The following B3GALT1 variants were observed in gnomAD, a reference collection of about 807,000 sequenced individuals.
B3GALT1 encodes UDP-Gal:betaGlcNAc beta 1,3-galactosyltransferase, polypeptide 1.
Under a neutral mutation model 23.2 loss-of-function variants are expected in B3GALT1, and 10 were observed. That is an observed-to-expected ratio of 0.43 (90% confidence interval 0.27 to 0.73). The LOEUF is 0.73. B3GALT1 is among the 30% of genes least tolerant of loss of function. The probability of loss-of-function intolerance (pLI) is 0.21; values close to 1 mark genes in which losing one functional copy is unlikely to be tolerated. For synonymous variants in B3GALT1, 156 were observed against 141.5 expected, an observed-to-expected ratio of 1.10 and a Z score of -0.73; for missense variants, 299 against 405.4, an observed-to-expected ratio of 0.74 and a Z score of 2.25.
intron 4 of B3GALT1, among the ~76,000 whole-genome samples, 132 bp downstream of exon 4, chr2:167,818,925 G>A (rs1689051745): frequency 6.6e-6 from 1 of 152,002 alleles, no homozygotes; most frequent in Admixed American, 6.6e-5. Flanking sequence ...AAAAGTCTAG[G>A]TTTTTTTCTT....
At chr2:167,540,488 A>G (rs527350588) in intron 2 of B3GALT1, among the ~76,000 whole-genome samples, 5 of 152,342 alleles carry the variant, frequency 3.3e-5, no homozygotes, top group African/African-American at 1.2e-4. Context: ...ACTCTTCCTG[A>G]TAGTAAACCT....
chr2:167,708,072 G>T (rs548477492), intron 3 of B3GALT1, among the ~76,000 whole-genome samples: 7 of 152,202 alleles, frequency 4.6e-5, no homozygotes, highest in Non-Finnish European at 8.8e-5. Flanking sequence ...TCCTAAATTT[G>T]TTAAGTTTAT....
chr2:167,331,025 G>A (rs1696965289), intron 1 of B3GALT1, among the ~76,000 whole-genome samples: 1 of 151,988 alleles, frequency 6.6e-6, no homozygotes, highest in Admixed American at 6.6e-5. Context: ...TGTATCTGTG[G>A]TGTTGAGTGT....
At chr2:167,519,448 A>G (rs538325168) in intron 2 of B3GALT1, among the ~76,000 whole-genome samples, 27 of 152,290 alleles carry the variant, frequency 1.8e-4, no homozygotes, top group African/African-American at 6.5e-4. Flanking sequence ...TGCTTTGTAT[A>G]TTGCAAATCT....
At chr2:167,343,947 A>G (rs1295186061) in intron 1 of B3GALT1, among the ~76,000 whole-genome samples, 1 of 152,194 alleles carries the variant, frequency 6.6e-6, no homozygotes, top group African/African-American at 2.4e-5. Flanking sequence ...CTCACATAGC[A>G]TTGGCTAAAG....
At chr2:167,314,937 G>T (rs889689541) in intron 1 of B3GALT1, among the ~76,000 whole-genome samples, 1 of 152,032 alleles carries the variant, frequency 6.6e-6, no homozygotes, top group South Asian at 2.1e-4. Context: ...TCTAATTAGA[G>T]AGCTGTTTCA....
intron 1 of B3GALT1, among the ~76,000 whole-genome samples, chr2:167,330,449 A>G (rs1449522462): frequency 2.0e-5 from 3 of 152,180 alleles, no homozygotes; most frequent in African/African-American, 7.2e-5. Flanking sequence ...TCTACAAAAA[A>G]TATTTTAAAA....
rs190461045 is a variant in B3GALT1, at chr2:167,479,019, G to A, written c.-510-11158G>A. On this transcript the variant is annotated intron_variant, in intron 1 of 4. Coordinates refer to ENST00000392690, the MANE Select transcript of B3GALT1 (RefSeq NM_020981.4). ...GCGAAGCTTTCAGTGATCCTAGGTC[G>A]CGCCACTGCACTCCAGCCTGGGCAA... is the stretch of plus-strand genomic sequence containing the variant. 3.9e-3 allele frequency among the ~76,000 whole-genome samples: 586 copies of A among 152,112 alleles called. 9 individuals are homozygous for A. The highest frequency in any genetic ancestry group is 0.031 in the Admixed American group (466 of 15,268).
chr2:167,553,156 G>A (rs576132171), intron 2 of B3GALT1, among the ~76,000 whole-genome samples: 1 of 152,208 alleles, frequency 6.6e-6, no homozygotes, highest in East Asian at 1.9e-4. Context: ...TTTTAAAAAG[G>A]CTTCAAGGAT....
chr2:167,606,198 G>C (rs1351307584), intron 2 of B3GALT1, among the ~76,000 whole-genome samples: 1 of 152,162 alleles, frequency 6.6e-6, no homozygotes, highest in Non-Finnish European at 1.5e-5. Context: ...GAATTAGAAA[G>C]GGAGATTAGG....
chr2:167,766,723 C>A (rs1329883030), intron 3 of B3GALT1, among the ~76,000 whole-genome samples: 2 of 152,152 alleles, frequency 1.3e-5, no homozygotes, highest in African/African-American at 2.4e-5. Context: ...GAGGAATGAG[C>A]AGGTACATTG....
chr2:167,563,969 C>T (rs1322288072), intron 2 of B3GALT1, among the ~76,000 whole-genome samples: 1 of 143,916 alleles, frequency 6.9e-6, no homozygotes, highest in Non-Finnish European at 1.5e-5. Context: ...CCCCACCTCC[C>T]TTCCGGACGG....
intron 3 of B3GALT1, among the ~76,000 whole-genome samples, chr2:167,774,164 G>T (rs1278500643): frequency 1.3e-5 from 2 of 152,140 alleles, no homozygotes; most frequent in African/African-American, 4.8e-5. Context: ...TCTATTTTGT[G>T]TAAGAATCCC....
intron 2 of B3GALT1, among the ~76,000 whole-genome samples, chr2:167,503,641 C>T (rs571092702): frequency 6.6e-6 from 1 of 152,234 alleles, no homozygotes; most frequent in African/African-American, 2.4e-5. Flanking sequence ...AGAAATTTCC[C>T]TCAACTAAAA....
At chr2:167,456,107 T>A (rs1463196825) in intron 1 of B3GALT1, among the ~76,000 whole-genome samples, 1 of 152,180 alleles carries the variant, frequency 6.6e-6, no homozygotes, top group Non-Finnish European at 1.5e-5. Context: ...TTTATTTGGC[T>A]CATGGTTCTG....
intron 3 of B3GALT1, among the ~76,000 whole-genome samples, chr2:167,723,555 G>GTTTT: frequency 6.7e-6 from 1 of 148,694 alleles, no homozygotes; most frequent in Non-Finnish European, 1.5e-5. Context: ...TTGAGACAAA[G>GTTTT]TCTCACTCTG....
intron 3 of B3GALT1, among the ~76,000 whole-genome samples, chr2:167,657,908 C>T (rs918164796): frequency 3.3e-5 from 5 of 152,076 alleles, no homozygotes; most frequent in Admixed American, 2.0e-4. Context: ...ATTTTTCATA[C>T]TCTTTAAATG....
chr2:167,379,946 CT>C (rs1345623837), intron 1 of B3GALT1, among the ~76,000 whole-genome samples: 1 of 152,224 alleles, frequency 6.6e-6, no homozygotes, highest in African/African-American at 2.4e-5. Context: ...GAGGGCCCCC[CT>C]GTACCAGGAT....
At chr2:167,567,907 A>T (rs1401930412) in intron 2 of B3GALT1, among the ~76,000 whole-genome samples, 1 of 152,012 alleles carries the variant, frequency 6.6e-6, no homozygotes, top group South Asian at 2.1e-4. Flanking sequence ...ACTCCCCCTT[A>T]GCCCCAAGCA....
Sources: allele counts gnomAD v4.1 joint callset (sites outside exome capture counted in the v4.1 genomes callset), GRCh38; gene constraint gnomAD v4.1.1; transcripts MANE v1.5; gene names NCBI Gene and HGNC (gene_info 2026-07-23, HGNC 2026-07-21).